Variants in PEAK1 observed in about 807,000 individuals in gnomAD.
The protein encoded by PEAK1 is pseudopodium enriched atypical kinase 1.
PEAK1 carries 54 observed loss-of-function variants against 124.7 expected under a neutral mutation model. That is an observed-to-expected ratio of 0.43 (90% CI 0.35 to 0.54). The LOEUF (loss-of-function observed/expected upper bound fraction) is 0.54, where lower values mean the gene tolerates loss of function less well. Ranked by LOEUF, PEAK1 falls within the 20% of genes least tolerant of loss-of-function variation. The probability of loss-of-function intolerance (pLI) is 0.01; values close to 1 mark genes in which losing one functional copy is unlikely to be tolerated. For missense variants in PEAK1, 2,046 were observed against 2,134.5 expected (o/e 0.96, Z 0.82); for synonymous variants, 719 against 760.0 (o/e 0.95, Z 0.89).
At chr15:77,158,206 A>G in intron 8 of PEAK1, 1 of 294,812 alleles carries the variant, frequency 3.4e-6, no homozygotes, top group East Asian at 6.2e-5. Context: ...TATCTCTATC[A>G]CTGTATTTAT....
intron 2 of PEAK1, among the ~76,000 whole-genome samples, chr15:77,306,244 G>A (rs572845517): frequency 5.9e-5 from 9 of 152,214 alleles, no homozygotes; most frequent in African/African-American, 2.2e-4. Flanking sequence ...TAATTAGTCA[G>A]GAAGAGTTTA....
intron 6 of PEAK1, among the ~76,000 whole-genome samples, chr15:77,251,641 T>G (rs979651134): frequency 6.6e-6 from 1 of 152,066 alleles, no homozygotes. Flanking sequence ...GGATGTGAGG[T>G]AGGAGGCGGG....
chr15:77,169,735 T>A (rs767967740), intron 7 of PEAK1, among the ~76,000 whole-genome samples: 1 of 152,108 alleles, frequency 6.6e-6, no homozygotes, highest in African/African-American at 2.4e-5. Flanking sequence ...TAGAGAGAAG[T>A]AGATAATTTG....
At position 77,334,723 on chromosome 15, in the gene PEAK1, T is replaced by C. The variant is rs183629853; in HGVS notation, c.-603+30440A>G. 4,088 of 985,254 alleles carry C rather than the reference T, an allele frequency of 4.1e-3. 9 individuals carry two copies. Among genetic ancestry groups the C allele is most frequent in the Non-Finnish European group, 4.6e-3 (3,819 of 829,868 alleles). The allele number at this position is 985,254 out of a possible 1,614,324, so 61.0% of individuals were successfully genotyped here. ...GTGTGCTACATCTCTCTCTTTCTGA[T>C]ATTCTTGCTGTTTGTACAATACATT... On this transcript the variant is annotated intron_variant, in intron 2 of 9. Transcript: ENST00000682557.
At chr15:77,332,188 C>T in intron 2 of PEAK1, 1 of 974,192 alleles carries the variant, frequency 1.0e-6, no homozygotes, top group Non-Finnish European at 1.2e-6. Flanking sequence ...TATAAGCTTA[C>T]ATTTCTCCTC....
chr15:77,175,131 T>G (rs1486058063), intron 7 of PEAK1, among the ~76,000 whole-genome samples: 1 of 151,884 alleles, frequency 6.6e-6, no homozygotes, highest in Non-Finnish European at 1.5e-5. Flanking sequence ...AAACGTTAGA[T>G]CTAAAACCAT....
chr15:77,263,954 A>T (rs931752167), intron 5 of PEAK1, among the ~76,000 whole-genome samples: 16 of 152,206 alleles, frequency 1.1e-4, no homozygotes, highest in African/African-American at 3.9e-4. Flanking sequence ...GGTTCAACAT[A>T]CGCAAATCAA....
At chr15:77,130,331 T>C (rs1366452118) in intron 9 of PEAK1, among the ~76,000 whole-genome samples, 3 of 152,256 alleles carry the variant, frequency 2.0e-5, no homozygotes, top group African/African-American at 4.8e-5. Context: ...TTAAGTGCTA[T>C]ATAGAATCTC....
At chr15:77,139,179 C>T (rs548034681) in intron 8 of PEAK1, among the ~76,000 whole-genome samples, 12 of 152,230 alleles carry the variant, frequency 7.9e-5, no homozygotes, top group East Asian at 5.8e-4. Context: ...ATCAATATCA[C>T]GGTCTTCCAC....
intron 1 of PEAK1, among the ~76,000 whole-genome samples, chr15:77,377,156 G>A (rs2069095415): frequency 6.6e-6 from 1 of 152,216 alleles, no homozygotes; most frequent in African/African-American, 2.4e-5. Context: ...AGACCAAGGT[G>A]AGAGGATCAC....
At position 77,133,877 on chromosome 15, in the gene PEAK1, T is replaced by G. The variant is rs987226037; in HGVS notation, c.3332-127A>C. ...ATGTAAGAATAAGTCAACTCTTTAG[T>G]TCAAAATGGGAAAAGAGAACAACCA... is the stretch of plus-strand genomic sequence containing the variant. On this transcript the variant is annotated intron_variant, in intron 8 of 9. Transcript: ENST00000682557. This position sits in a 1 kb window ranked among gnomAD's most constrained non-coding sequence, Gnocchi z 4.2. 2.8e-6 allele frequency: 3 copies of G among 1,078,396 alleles called. No homozygotes were observed. In the African/African-American group the frequency reaches 4.8e-5, roughly 17 times the overall value. 66.8% of individuals were successfully genotyped at this position (1,078,396 alleles called of 1,614,324 possible).
intron 8 of PEAK1, among the ~76,000 whole-genome samples, chr15:77,138,547 T>C (rs2053518348): frequency 6.6e-6 from 1 of 152,258 alleles, no homozygotes. Context: ...TAGCTTAAGA[T>C]ACACTGTACA....
At chr15:77,290,981 T>A (rs975914243) in intron 2 of PEAK1, among the ~76,000 whole-genome samples, 3 of 152,192 alleles carry the variant, frequency 2.0e-5, no homozygotes, top group Non-Finnish European at 4.4e-5. Flanking sequence ...TATAGCCATA[T>A]AAGACAATAA....
chr15:77,332,750 AT>A (rs946174442), intron 2 of PEAK1, among the ~76,000 whole-genome samples: 39 of 150,928 alleles, frequency 2.6e-4, no homozygotes, highest in Admixed American at 9.9e-4. Context: ...AAGGTACTTC[AT>A]TTTTTTTTAA....
chr15:77,262,017 T>A (rs559886433), intron 5 of PEAK1, among the ~76,000 whole-genome samples: 25 of 152,158 alleles, frequency 1.6e-4, no homozygotes, highest in Non-Finnish European at 3.4e-4. Context: ...CTAAGCTTCA[T>A]AAGTGAAGGA....
At chr15:77,189,940 AAAT>A (rs753904062) in intron 6 of PEAK1, among the ~76,000 whole-genome samples, 11 of 152,230 alleles carry the variant, frequency 7.2e-5, no homozygotes, top group Non-Finnish European at 1.5e-4. Context: ...AGCAAAATTC[AAAT>A]AAGAGAAGGT....
At chr15:77,344,422 A>G (rs1448397114) in intron 2 of PEAK1, among the ~76,000 whole-genome samples, 2 of 152,158 alleles carry the variant, frequency 1.3e-5, no homozygotes, top group African/African-American at 4.8e-5. Flanking sequence ...ACTGGTTTAT[A>G]TATCTGTCTT....
chr15:77,272,006 C>T (rs907196025), intron 5 of PEAK1, among the ~76,000 whole-genome samples: 1 of 152,076 alleles, frequency 6.6e-6, no homozygotes, highest in Non-Finnish European at 1.5e-5. Flanking sequence ...ACAACATGTT[C>T]CTGAATGATC....
At chr15:77,347,269 C>A (rs35651077) in intron 2 of PEAK1, 1 of 983,854 alleles carries the variant, frequency 1.0e-6, no homozygotes, top group Admixed American at 6.2e-5. Context: ...CTATGACCCA[C>A]GAACTATTCA....
Sources: gnomAD v4.1 joint callset for allele counts (sites outside exome capture counted in the v4.1 genomes callset) on GRCh38, gnomAD v4.1.1 for gene constraint, Gnocchi (gnomAD v3.1) non-coding constraint, MANE v1.5 for transcripts, NCBI Gene and HGNC (gene_info 2026-07-23, HGNC 2026-07-21) for gene names.